Variants in EPHA6 observed in about 807,000 individuals in gnomAD.
The protein encoded by EPHA6 is EPH receptor A6, also known as ephrin type-A receptor 6.
Under a neutral mutation model 112.0 loss-of-function variants are expected in EPHA6, and 50 were observed. That is an observed-to-expected ratio of 0.45 (90% CI 0.36 to 0.56). The LOEUF (loss-of-function observed/expected upper bound fraction) is 0.56. Among genes scored for constraint, EPHA6 ranks in the 20% least tolerant of loss-of-function variants. The probability of loss-of-function intolerance (pLI) is 0.00; values close to 1 mark genes in which losing one functional copy is unlikely to be tolerated. For synonymous variants in EPHA6, 529 were observed against 490.7 expected (o/e 1.08, Z -1.03); for missense variants, 1,280 against 1,417.4 (o/e 0.90, Z 1.56).
At chr3:97,710,346 G>A (rs2033902400) in intron 14 of EPHA6, among the ~76,000 whole-genome samples, 1 of 152,154 alleles carries the variant, frequency 6.6e-6, no homozygotes, top group African/African-American at 2.4e-5. Context: ...GGTAATTTAA[G>A]GTCACTGTTC....
chr3:97,025,322 TA>T (rs1157435203), intron 3 of EPHA6, among the ~76,000 whole-genome samples: 2 of 152,038 alleles, frequency 1.3e-5, no homozygotes, highest in Non-Finnish European at 2.9e-5. Context: ...AGAGAATGAG[TA>T]AATAGGATTA....
intron 5 of EPHA6, among the ~76,000 whole-genome samples, chr3:97,291,475 G>T (rs1367503592): frequency 6.6e-6 from 1 of 152,096 alleles, no homozygotes; most frequent in African/African-American, 2.4e-5. Context: ...TATTGTATTG[G>T]AGCCAACTTG....
intron 2 of EPHA6, among the ~76,000 whole-genome samples, chr3:96,916,098 C>T (rs1395902538): frequency 1.3e-5 from 2 of 151,846 alleles, no homozygotes; most frequent in African/African-American, 4.8e-5. Flanking sequence ...TATTTAAGTC[C>T]TAAATAAAGA....
At chr3:97,434,769 A>G (rs1415631719) in intron 6 of EPHA6, among the ~76,000 whole-genome samples, 2 of 152,080 alleles carry the variant, frequency 1.3e-5, no homozygotes, top group Non-Finnish European at 2.9e-5. Context: ...TCTCTGCTTC[A>G]CAATCTGGAC....
chr3:97,601,569 C>A (rs901765662), intron 12 of EPHA6, among the ~76,000 whole-genome samples: 1 of 152,108 alleles, frequency 6.6e-6, no homozygotes, highest in Admixed American at 6.6e-5. Flanking sequence ...CCTATGACAC[C>A]ATGTTGGCTT....
In EPHA6 at chr3:97,750,150, G is replaced by A. The variant is rs1191653439; in HGVS notation, c.*1449G>A. On this transcript the variant is annotated 3_prime_UTR_variant, in exon 18 of 18. Transcript: ENST00000389672. ...ACGACTGTTTTAGGTGAAAGAGTAA[G>A]TAAAATGTGTTGAGAGAAAAAAACA... Among the ~76,000 whole-genome samples, 1 of 152,106 alleles carries A rather than the reference G, an allele frequency of 6.6e-6. No homozygotes were observed. The highest frequency in any genetic ancestry group is 3.2e-3 in the Middle Eastern group (1 of 316).
At chr3:97,528,219 G>A (rs1347152266) in intron 10 of EPHA6, among the ~76,000 whole-genome samples, 1 of 152,068 alleles carries the variant, frequency 6.6e-6, no homozygotes, top group Non-Finnish European at 1.5e-5. Flanking sequence ...GTAGCCTGAG[G>A]TTCGTATTAT....
chr3:97,610,172 A>G (rs760959963), intron 12 of EPHA6, among the ~76,000 whole-genome samples: 4 of 151,596 alleles, frequency 2.6e-5, no homozygotes, highest in Admixed American at 6.6e-5. Context: ...TGCTCTGTTG[A>G]TTAAATCTAT....
intron 7 of EPHA6, among the ~76,000 whole-genome samples, chr3:97,452,442 G>A (rs750688491): frequency 2.6e-5 from 4 of 151,650 alleles, no homozygotes; most frequent in Non-Finnish European, 5.9e-5. Context: ...GTATTTTAAT[G>A]TTCGCATTTT....
intron 2 of EPHA6, among the ~76,000 whole-genome samples, chr3:96,962,921 AG>A: frequency 1.3e-5 from 2 of 152,230 alleles, no homozygotes; most frequent in East Asian, 3.9e-4. Context: ...TGGGAGTCTG[AG>A]GCTTGCGGAT....
At chr3:97,028,958 G>A (rs1033524505) in intron 3 of EPHA6, among the ~76,000 whole-genome samples, 2 of 151,062 alleles carry the variant, frequency 1.3e-5, no homozygotes, top group Non-Finnish European at 3.0e-5. Context: ...TTTAATCATT[G>A]GATATAATAG....
chr3:97,204,677 AAAC>A (rs1483954445), intron 3 of EPHA6, among the ~76,000 whole-genome samples: 26 of 152,248 alleles, frequency 1.7e-4, no homozygotes, highest in African/African-American at 5.5e-4. Context: ...TTTTGGGAAA[AAAC>A]AAAGACACTT....
chr3:96,923,645 C>T (rs1468947143), intron 2 of EPHA6, among the ~76,000 whole-genome samples: 3 of 151,768 alleles, frequency 2.0e-5, no homozygotes, highest in Non-Finnish European at 4.4e-5. Context: ...TTAATTAGAG[C>T]TCAATTTTTT....
At chr3:97,389,847 C>T (rs2086296631) in intron 5 of EPHA6, among the ~76,000 whole-genome samples, 2 of 152,030 alleles carry the variant, frequency 1.3e-5, no homozygotes, top group South Asian at 4.1e-4. Context: ...TCACAAAAAT[C>T]AGGGGAAAAA....
At chr3:97,184,252 C>T (rs2077063623) in intron 3 of EPHA6, among the ~76,000 whole-genome samples, 1 of 152,054 alleles carries the variant, frequency 6.6e-6, no homozygotes, top group African/African-American at 2.4e-5. Context: ...ATTCTGCATC[C>T]TGGAAGCAAC....
At chr3:96,860,502 AC>A (rs1158512840) in intron 1 of EPHA6, among the ~76,000 whole-genome samples, 1 of 152,090 alleles carries the variant, frequency 6.6e-6, no homozygotes, top group Non-Finnish European at 1.5e-5. Context: ...GGACCATTAA[AC>A]CAATGATTTA....
intron 5 of EPHA6, among the ~76,000 whole-genome samples, chr3:97,317,796 G>A (rs960240164): frequency 6.6e-6 from 1 of 151,942 alleles, no homozygotes; most frequent in Non-Finnish European, 1.5e-5. Context: ...GAACTGCATG[G>A]TGCTGGGCAT....
Position 97,412,734 on chromosome 3 carries a change from A to G in EPHA6, c.1731+7460A>G, listed in dbSNP as rs1458229780. The stretch of plus-strand genomic sequence containing the variant: ...AGCAATCTGGAAATCTACATATACT[A>G]TCAAGTTTTGCATTTGTAAGAAAAG... On this transcript the variant is annotated intron_variant, in intron 6 of 17. Coordinates refer to ENST00000389672, the MANE Select transcript of EPHA6 (RefSeq NM_001080448.3). 1.3e-5 allele frequency among the ~76,000 whole-genome samples: 2 copies of G among 152,128 alleles called. 1 individual carries two copies. The highest frequency in any genetic ancestry group is 2.9e-5 in the Non-Finnish European group (2 of 67,990).
At chr3:96,902,549 G>A (rs146613216) in intron 2 of EPHA6, among the ~76,000 whole-genome samples, 10 of 152,168 alleles carry the variant, frequency 6.6e-5, no homozygotes, top group Admixed American at 5.9e-4. Flanking sequence ...GATGCTACAG[G>A]AACCTTGGAA....
Sources: gnomAD v4.1 joint callset for allele counts (sites outside exome capture counted in the v4.1 genomes callset) on GRCh38, gnomAD v4.1.1 for gene constraint, MANE v1.5 for transcripts, NCBI Gene and HGNC (gene_info 2026-07-23, HGNC 2026-07-21) for gene names.